The following NFIA variants were observed in gnomAD, a reference collection of about 807,000 sequenced individuals.
NFIA encodes the protein nuclear factor 1 A-type.
In NFIA, 8 loss-of-function variants were observed where a neutral mutation model predicts 62.8. The ratio of observed to expected loss-of-function variants is 0.13; its 90% confidence interval spans 0.07 to 0.23. The LOEUF (loss-of-function observed/expected upper bound fraction) is 0.23. NFIA is among the 10% of genes least tolerant of loss of function. NFIA has a pLI of 1.00. For missense variants in NFIA, 410 were observed against 642.1 expected, an observed-to-expected ratio of 0.64 and a Z score of 3.91; for synonymous variants, 235 against 238.1, an observed-to-expected ratio of 0.99 and a Z score of 0.12.
chr1:61,194,647 G>A (rs1033499722), intron 2 of NFIA, among the ~76,000 whole-genome samples: 2 of 152,258 alleles, frequency 1.3e-5, no homozygotes, highest in East Asian at 1.9e-4. Flanking sequence ...AAGAAATATG[G>A]CCTTGACTTC....
chr1:61,389,386 A>C (rs368605162), intron 7 of NFIA, among the ~76,000 whole-genome samples: 5 of 152,220 alleles, frequency 3.3e-5, no homozygotes, highest in Non-Finnish European at 5.9e-5. Context: ...TGTAGCTGCA[A>C]GGGAGGCTGG....
intron 3 of NFIA, among the ~76,000 whole-genome samples, chr1:61,323,929 G>C (rs1660800648): frequency 6.6e-6 from 1 of 152,166 alleles, no homozygotes; most frequent in African/African-American, 2.4e-5. Context: ...GGAGTGCAGA[G>C]ATAATACATA....
chr1:61,424,408 C>T (rs1233019594), intron 9 of NFIA, among the ~76,000 whole-genome samples: 1 of 151,916 alleles, frequency 6.6e-6, no homozygotes, highest in Admixed American at 6.6e-5. Context: ...TTGGATGTCC[C>T]CAGTATGGTA....
chr1:61,290,281 TAA>T (rs1447760330), intron 3 of NFIA, among the ~76,000 whole-genome samples: 4 of 152,198 alleles, frequency 2.6e-5, no homozygotes, highest in Admixed American at 6.5e-5. Flanking sequence ...CCAATAAATT[TAA>T]AAGTGTTTCC....
At chr1:61,307,797 T>C (rs1659880577) in intron 3 of NFIA, among the ~76,000 whole-genome samples, 1 of 152,230 alleles carries the variant, frequency 6.6e-6, no homozygotes, top group Non-Finnish European at 1.5e-5. Flanking sequence ...ACTCTGGATT[T>C]TTCTGAGCAT....
chr1:61,276,900 A>G (rs1402237199), intron 2 of NFIA, among the ~76,000 whole-genome samples: 1 of 152,202 alleles, frequency 6.6e-6, no homozygotes, highest in African/African-American at 2.4e-5. Context: ...CAAATGCATC[A>G]GTACAAGAAA....
chr1:61,265,288 C>T (rs2100249500), intron 2 of NFIA, among the ~76,000 whole-genome samples: 1 of 152,256 alleles, frequency 6.6e-6, no homozygotes, highest in Non-Finnish European at 1.5e-5. Context: ...AAATATTGTA[C>T]TGCAATTAAT....
At chr1:61,281,042 G>A (rs1022518172) in intron 3 of NFIA, among the ~76,000 whole-genome samples, 6 of 151,984 alleles carry the variant, frequency 3.9e-5, no homozygotes, top group South Asian at 2.1e-4. Context: ...TCAGGAGTTC[G>A]AAACCAGCCT....
intron 2 of NFIA, among the ~76,000 whole-genome samples, chr1:61,229,474 T>C (rs1053744182): frequency 3.3e-5 from 5 of 152,194 alleles, no homozygotes; most frequent in African/African-American, 9.6e-5. Context: ...AGGAAATGTT[T>C]TATTAAAATT....
intron 5 of NFIA, among the ~76,000 whole-genome samples, chr1:61,352,785 GCACA>G (rs1302904766): frequency 8.6e-6 from 1 of 115,742 alleles, no homozygotes; most frequent in Admixed American, 9.0e-5. Flanking sequence ...ACACACACAC[GCACA>G]CACACTAAAA....
upstream of NFIA, chr1:61,081,816 C>T (rs1646099039): frequency 1.4e-6 from 2 of 1,476,770 alleles, no homozygotes; most frequent in South Asian, 1.3e-5. Flanking sequence ...GCATAATTAC[C>T]TCTGCCGACG....
intron 7 of NFIA, among the ~76,000 whole-genome samples, chr1:61,395,106 CAG>C (rs139029053): frequency 1.0e-3 from 154 of 148,650 alleles, no homozygotes; most frequent in Admixed American, 1.2e-3. Context: ...AACCCTGTCT[CAG>C]AGAGAGAGAG....
intron 2 of NFIA, among the ~76,000 whole-genome samples, chr1:61,219,792 T>G (rs1395228156): frequency 1.3e-5 from 2 of 150,822 alleles, no homozygotes; most frequent in South Asian, 4.2e-4. Flanking sequence ...GGTGAAACCC[T>G]GTCTCTACTA....
At chr1:61,295,065 T>A (rs1659115946) in intron 3 of NFIA, among the ~76,000 whole-genome samples, 1 of 152,160 alleles carries the variant, frequency 6.6e-6, no homozygotes, top group Non-Finnish European at 1.5e-5. Context: ...GGAGAAAGGT[T>A]TGCCTTGGCT....
intron 2 of NFIA, among the ~76,000 whole-genome samples, chr1:61,129,127 T>C (rs1260305721): frequency 1.3e-5 from 2 of 151,808 alleles, no homozygotes; most frequent in African/African-American, 4.8e-5. Flanking sequence ...TTTCACCGTG[T>C]TAGCCAGGAT....
intron 9 of NFIA, among the ~76,000 whole-genome samples, chr1:61,424,916 A>G (rs1388974641): frequency 1.3e-5 from 2 of 152,220 alleles, no homozygotes; most frequent in East Asian, 1.9e-4. Context: ...GTATTTCTCA[A>G]ATCTGTTCAA....
chr1:61,372,596 A>AT (rs1345397346), intron 6 of NFIA, among the ~76,000 whole-genome samples: 1 of 151,056 alleles, frequency 6.6e-6, no homozygotes, highest in Non-Finnish European at 1.5e-5. Context: ...AAAGCAAACT[A>AT]TTTTGTCAGA....
chr1:61,113,483 A>G (rs1646740307), intron 2 of NFIA, among the ~76,000 whole-genome samples: 1 of 151,428 alleles, frequency 6.6e-6, no homozygotes, highest in Non-Finnish European at 1.5e-5. Context: ...AATCCCAGCT[A>G]CTCTGGAGGC....
At chr1:61,177,152 T>C (rs1163937915) in intron 2 of NFIA, among the ~76,000 whole-genome samples, 1 of 152,164 alleles carries the variant, frequency 6.6e-6, no homozygotes, top group Non-Finnish European at 1.5e-5. Context: ...TTCCGTGCTT[T>C]ATCTTCATTT....
Sources: gnomAD v4.1 joint callset for allele counts (sites outside exome capture counted in the v4.1 genomes callset) on GRCh38, gnomAD v4.1.1 for gene constraint, MANE v1.5 for transcripts, NCBI Gene and HGNC (gene_info 2026-07-23, HGNC 2026-07-21) for gene names.